HLTF: variants seen among roughly 807,000 people sequenced by gnomAD.
The protein encoded by HLTF is helicase like transcription factor.
HLTF carries 127 observed loss-of-function variants against 129.4 expected under a neutral mutation model. The ratio of observed to expected loss-of-function variants is 0.98; its 90% CI spans 0.85 to 1.14. The LOEUF is 1.14. HLTF is among the 50% of genes most tolerant of loss of function. HLTF has a pLI of 0.00. For synonymous variants in HLTF, 332 were observed against 388.8 expected (o/e 0.85, Z 1.72); for missense variants, 1,139 against 1,187.1 (o/e 0.96, Z 0.60).
intron 2 of HLTF, among the ~76,000 whole-genome samples, chr3:149,079,032 T>C (rs1196284732): frequency 1.2e-4 from 18 of 151,828 alleles, no homozygotes; most frequent in Non-Finnish European, 1.5e-5. Context: ...TGAGCAGGCA[T>C]AAGAAAAATC....
chr3:149,073,100 C>A, intron 5 of HLTF, 125 bp downstream of exon 5: 1 of 487,706 alleles, frequency 2.1e-6, no homozygotes, highest in Admixed American at 4.0e-5. Context: ...TAACATGTTT[C>A]ATTATAACTT....
At chr3:149,085,660 GGTATCCAAACCACGCCACC>G (rs1720304361) in intron 1 of HLTF, among the ~76,000 whole-genome samples, 1 of 152,070 alleles carries the variant, frequency 6.6e-6, no homozygotes, top group Non-Finnish European at 1.5e-5. Flanking sequence ...CACCTATTCT[GGTATCCAAACCACGCCACC>G]GTGGGAAATT....
chr3:149,078,741 C>T (rs7625832), intron 2 of HLTF, among the ~76,000 whole-genome samples: 46,825 of 151,270 alleles, frequency 0.31, 7,171 homozygotes, highest in East Asian at 0.33. Flanking sequence ...CCTGTAGTCC[C>T]AGTTACTCGG....
chr3:149,030,550 T>A lies in HLTF; in HGVS notation c.*1670A>T, dbSNP rs565341467. 1.3e-4 allele frequency: 20 copies of A among 152,318 alleles called. No individual in the cohort carries two copies. Among genetic ancestry groups the A allele is most frequent in the Non-Finnish European group, 1.5e-4 (10 of 68,024 alleles). 9.4% of individuals were successfully genotyped at this position (152,318 alleles called of 1,614,324 possible). ...CAGAAAGAGTAGACTGTGTTGTTTT[T>A]TGCCAAAAACTGTTTATACTTAATC... On this transcript the variant is annotated 3_prime_UTR_variant, in exon 25 of 25. Transcript: ENST00000310053.
intron 13 of HLTF, among the ~76,000 whole-genome samples, chr3:149,056,089 T>A (rs1018611423): frequency 1.3e-5 from 2 of 152,084 alleles, no homozygotes; most frequent in African/African-American, 4.8e-5. Context: ...CCTCCCTAAG[T>A]CCAATGTTCA....
intron 8 of HLTF, among the ~76,000 whole-genome samples, chr3:149,067,643 C>T (rs1487315738): frequency 6.6e-6 from 1 of 151,490 alleles, no homozygotes; most frequent in Non-Finnish European, 1.5e-5. Flanking sequence ...GGTGGAACTA[C>T]AGGTGCCAGT....
intron 17 of HLTF, among the ~76,000 whole-genome samples, 191 bp from the exon 18 acceptor site, chr3:149,046,450 A>C (rs571541685): frequency 6.6e-6 from 1 of 152,316 alleles, no homozygotes; most frequent in African/African-American, 2.4e-5. Flanking sequence ...AATTATTAAA[A>C]CAAATGTATG....
chr3:149,075,997 A>G lies in HLTF; in HGVS notation c.279T>C (p.Tyr93=). The change falls in exon 3 of 25, where the codon TAT becomes TAC. Residue 93 remains tyrosine (Y), a synonymous_variant. Coordinates refer to ENST00000310053, the MANE Select transcript of HLTF (RefSeq NM_003071.4). The part of the protein sequence containing the change: ...VALQRDPNNP[Y]DKNAIKVNNV... ...TGTTTACTTTAATTGCATTCTTATCATAAGGGTTATTAGGATCTCGTTGTA... is the reference window on the plus strand; with the variant it reads ...TGTTTACTTTAATTGCATTCTTATCGTAAGGGTTATTAGGATCTCGTTGTA... 1.3e-6 allele frequency: 2 copies of G among 1,547,120 alleles called. No homozygotes were observed. The highest frequency in any genetic ancestry group is 1.8e-6 in the Non-Finnish European group (2 of 1,121,548).
rs1260580509 is a variant in HLTF at position 149,042,193 on chromosome 3, T to C, written c.2170A>G (p.Asn724Asp). Residue 724 changes from asparagine to aspartate, a missense_variant, in exon 19 of 25, where the codon AAT becomes GAT. Transcript: ENST00000310053. ...GAGGGGCCATTGGAAGACACTGCAT[T>C]TGTAAGAAGGTAAGTATGGCAACAA... ...QICCHTYLLT[N>D]AVSSNGPSGN... 8 of 1,613,250 alleles carry C rather than the reference T, an allele frequency of 5.0e-6. No individual in the cohort carries two copies. The highest frequency in any genetic ancestry group is 6.8e-6 in the Non-Finnish European group (8 of 1,179,392).
chr3:149,059,384 T>G (rs1422446258), intron 13 of HLTF: 2 of 425,008 alleles, frequency 4.7e-6, no homozygotes, highest in Non-Finnish European at 9.1e-6. Context: ...ACCAAAAAAT[T>G]AAACCTTTAA....
chr3:149,056,760 G>T (rs1370538634), intron 13 of HLTF, among the ~76,000 whole-genome samples: 1 of 152,200 alleles, frequency 6.6e-6, no homozygotes, highest in Non-Finnish European at 1.5e-5. Flanking sequence ...TAAACAATAT[G>T]TTTGAACTAT....
chr3:149,048,918 A>G lies in HLTF; in HGVS notation c.1701T>C (p.Ala567=). The G allele has an allele frequency of 1.9e-6, 3 of 1,613,384 alleles. No homozygotes were observed. The highest frequency in any genetic ancestry group is 8.5e-7 in the Non-Finnish European group (1 of 1,179,436). The change falls in exon 16 of 25, where the codon GCT becomes GCC. Residue 567 remains alanine (A), a synonymous_variant. Transcript: ENST00000310053. Reference sequence around the variant, plus strand: ...AGTCAAGTACAGCTTTTGTCTGCTGAGCATTTGGATTTCGTATGGCATGTC... The same window carrying G: ...AGTCAAGTACAGCTTTTGTCTGCTGGGCATTTGGATTTCGTATGGCATGTC... ...DEGHAIRNPN[A]QQTKAVLDLE...
chr3:149,074,109 G>A (rs1250930506), intron 4 of HLTF, 106 bp downstream of exon 4: 1 of 1,119,174 alleles, frequency 8.9e-7, no homozygotes, highest in Non-Finnish European at 1.2e-6. Context: ...TTGTACCTTG[G>A]AGCCTTGAGC....
rs1327107027 is a variant in HLTF at position 149,031,357 on chromosome 3, T to C, written c.*863A>G. 2 of 152,582 alleles carry C rather than the reference T, an allele frequency of 1.3e-5. No individual in the cohort carries two copies. The highest frequency in any genetic ancestry group is 2.4e-5 in the African/African-American group (1 of 41,438). The allele number at this position is 152,582 out of a possible 1,614,324, so 9.5% of individuals were successfully genotyped here. A position where few individuals can be genotyped will look rare whatever the true frequency, so the allele number is the denominator to read the frequency against. On this transcript the variant is annotated 3_prime_UTR_variant, in exon 25 of 25. Coordinates refer to ENST00000310053, the MANE Select transcript of HLTF (RefSeq NM_003071.4). ...CAGATATCACGCCTCTCACATATAG[T>C]AGTCTTCTGAATTATAAAAATTTAT...
Position 149,053,153 on chromosome 3 carries a change from A to AG in HLTF, c.1473+2149dup, listed in dbSNP as rs139376640. On this transcript the variant is annotated intron_variant, in intron 14 of 24. Transcript: ENST00000310053. Reference sequence around the variant, plus strand: ...TAGATCCTTTACTTGAGAGCCAGGAAGACGGTATCTTGTTCAGATTGTGAA... The same window carrying AG: ...TAGATCCTTTACTTGAGAGCCAGGAAGGACGGTATCTTGTTCAGATTGTGAA... Among the ~76,000 whole-genome samples, 1,470 of 152,294 alleles carry AG rather than the reference A, an allele frequency of 9.7e-3. 25 individuals are homozygous for AG. Among genetic ancestry groups the AG allele is most frequent in the African/African-American group, 0.033 (1,370 of 41,554 alleles).
intron 18 of HLTF, among the ~76,000 whole-genome samples, chr3:149,045,733 C>T (rs553608079): frequency 3.3e-5 from 5 of 152,308 alleles, no homozygotes; most frequent in African/African-American, 1.2e-4. Context: ...TTCATACCTT[C>T]TACCAATCCT....
intron 10 of HLTF, chr3:149,063,161 G>A (rs1718091077): frequency 8.7e-6 from 4 of 461,462 alleles, no homozygotes; most frequent in East Asian, 6.2e-5. Flanking sequence ...CCGGGTTCAC[G>A]CCATTCTCCT....
At chr3:149,064,691 T>C in intron 9 of HLTF, 100 bp downstream of exon 9, 1 of 781,206 alleles carries the variant, frequency 1.3e-6, no homozygotes, top group Non-Finnish European at 2.2e-6. Context: ...AAAACTAGAA[T>C]TACAATATTA....
chr3:149,068,162 GT>G (rs796690144), intron 8 of HLTF, 77 bp downstream of exon 8: 37 of 616,752 alleles, frequency 6.0e-5, no homozygotes, highest in African/African-American at 1.9e-4. Context: ...TTTCTTGGTA[GT>G]TTTTTTTAAT....
Sources: allele counts gnomAD v4.1 joint callset (sites outside exome capture counted in the v4.1 genomes callset), GRCh38; gene constraint gnomAD v4.1.1; transcripts MANE v1.5; gene names NCBI Gene and HGNC (gene_info 2026-07-23, HGNC 2026-07-21).